Variants in ZNF600 observed in about 807,000 individuals in gnomAD.
The protein encoded by ZNF600 is zinc finger protein KR-ZNF1.
ZNF600 carries 4 observed loss-of-function variants against 7.3 expected under a neutral mutation model. That is an observed-to-expected ratio of 0.55 (90% CI 0.27 to 1.25). ZNF600 has a LOEUF of 1.25. Ranked by LOEUF, ZNF600 falls within the 50% of genes most tolerant of loss-of-function variation. ZNF600 has a pLI of 0.12. For missense variants in ZNF600, 911 were observed against 922.1 expected, an observed-to-expected ratio of 0.99 and a Z score of 0.16; for synonymous variants, 290 against 308.9, an observed-to-expected ratio of 0.94 and a Z score of 0.64.
chr19:52,769,151 C>G (rs1313075553), intron 3 of ZNF600, among the ~76,000 whole-genome samples: 1 of 152,118 alleles, frequency 6.6e-6, no homozygotes, highest in Non-Finnish European at 1.5e-5. Context: ...CGCCACTTAG[C>G]AGACCGGGAA....
At chr19:52,796,222 A>G in the ZNF600 span, among the ~76,000 whole-genome samples, 8,235 of 152,246 alleles carry the variant, frequency 0.054, 272 homozygotes, top group African/African-American at 0.085. Context: ...GTCTGGGGAC[A>G]GGGGGAATCT....
At chr19:52,815,394 G>C in the ZNF600 span, among the ~76,000 whole-genome samples, 2 of 145,324 alleles carry the variant, frequency 1.4e-5, no homozygotes, top group East Asian at 4.0e-4. Flanking sequence ...GCAAGCACCT[G>C]TAGTCCCAGC....
At chr19:52,827,614 T>G in the ZNF600 span, among the ~76,000 whole-genome samples, 1 of 151,774 alleles carries the variant, frequency 6.6e-6, no homozygotes, top group East Asian at 1.9e-4. Flanking sequence ...TTGCGGTGTC[T>G]GCTCACTGCA....
At chr19:52,817,220 A>AAATT in the ZNF600 span, among the ~76,000 whole-genome samples, 1 of 152,068 alleles carries the variant, frequency 6.6e-6, no homozygotes, top group East Asian at 1.9e-4. Context: ...TAAAAATACA[A>AAATT]AATTAGCTGA....
chr19:52,807,804 C>T, the ZNF600 span: 1 of 930,434 alleles, frequency 1.1e-6, no homozygotes, highest in Non-Finnish European at 1.5e-6. Flanking sequence ...TACTTTACTT[C>T]TGGAAGCTCC....
chr19:52,804,763 T>TG, the ZNF600 span, among the ~76,000 whole-genome samples: 1 of 152,166 alleles, frequency 6.6e-6, no homozygotes, highest in Non-Finnish European at 1.5e-5. Flanking sequence ...CCTTGGTCTC[T>TG]GAAAGTGCTG....
chr19:52,828,600 A>G, the ZNF600 span, among the ~76,000 whole-genome samples: 1 of 152,190 alleles, frequency 6.6e-6, no homozygotes, highest in South Asian at 2.1e-4. Flanking sequence ...TTCACCATGC[A>G]TAAGATATAA....
chr19:52,792,317 A>T, the ZNF600 span, among the ~76,000 whole-genome samples: 1 of 152,192 alleles, frequency 6.6e-6, no homozygotes, highest in East Asian at 1.9e-4. Flanking sequence ...AAAAAGGAAA[A>T]GTCAAGCTGG....
At chr19:52,822,034 C>G in the ZNF600 span, among the ~76,000 whole-genome samples, 3 of 146,486 alleles carry the variant, frequency 2.0e-5, no homozygotes, top group Admixed American at 2.0e-4. Context: ...AGATCTATTA[C>G]TTTCTCCTTT....
the ZNF600 span, among the ~76,000 whole-genome samples, chr19:52,812,762 TAAAAAAAAAAAAA>T: frequency 1.3e-5 from 1 of 75,400 alleles, no homozygotes. Context: ...GAATGATCAA[TAAAAAAAAAAAAA>T]AAAAAAAAAA....
chr19:52,825,997 A>C, the ZNF600 span, among the ~76,000 whole-genome samples: 13 of 152,250 alleles, frequency 8.5e-5, no homozygotes, highest in Admixed American at 7.8e-4. Context: ...AATTTTATCT[A>C]AAATCTCATA....
At chr19:52,780,601 G>A (rs1199382581) in intron 1 of ZNF600, 4 of 152,034 alleles carry the variant, frequency 2.6e-5, no homozygotes, top group African/African-American at 7.3e-5. Flanking sequence ...TTTGAAAGTC[G>A]ACTGTGATCC....
intron 3 of ZNF600, among the ~76,000 whole-genome samples, chr19:52,772,208 T>C (rs370916165): frequency 8.7e-4 from 133 of 152,162 alleles, no homozygotes; most frequent in African/African-American, 3.0e-3. Context: ...CTTGGGACCC[T>C]GAGGCTGGAC....
At chr19:52,824,345 C>T in the ZNF600 span, among the ~76,000 whole-genome samples, 1 of 152,052 alleles carries the variant, frequency 6.6e-6, no homozygotes, top group Admixed American at 6.6e-5. Context: ...TGATTTAAAG[C>T]TATCCATGAC....
At chr19:52,809,786 CAG>C in the ZNF600 span, 1 of 502,678 alleles carries the variant, frequency 2.0e-6, no homozygotes, top group Non-Finnish European at 3.5e-6. Context: ...GCCTGGGTGA[CAG>C]AGCGAAAAAA....
chr19:52,764,503 T>A (rs1600365260), downstream of ZNF600: 1 of 150,238 alleles, frequency 6.7e-6, no homozygotes, highest in East Asian at 2.0e-4. Flanking sequence ...TGAGCCACCA[T>A]CCAGCTTTGA....
At chr19:52,833,359 A>G in the ZNF600 span, among the ~76,000 whole-genome samples, 192 of 152,228 alleles carry the variant, frequency 1.3e-3, no homozygotes, top group Non-Finnish European at 1.9e-3. Flanking sequence ...CCTCTTCTCA[A>G]GTTCATGTCA....
At chr19:52,789,656 A>G (rs2062786487), upstream of ZNF600, among the ~76,000 whole-genome samples, 1 of 152,078 alleles carries the variant, frequency 6.6e-6, no homozygotes, top group Non-Finnish European at 1.5e-5. Flanking sequence ...GGAGGCCAAC[A>G]TGGGAGGATC....
intron 1 of ZNF600, among the ~76,000 whole-genome samples, 155 bp downstream of exon 1, chr19:52,786,440 T>C (rs2062764296): frequency 6.6e-6 from 1 of 152,012 alleles, no homozygotes; most frequent in South Asian, 2.1e-4. Context: ...GTGAGGACTT[T>C]AAAAAGCACG....
Sources: gnomAD v4.1 joint callset for allele counts (sites outside exome capture counted in the v4.1 genomes callset) on GRCh38, gnomAD v4.1.1 for gene constraint, MANE v1.5 for transcripts, NCBI Gene and HGNC (gene_info 2026-07-23, HGNC 2026-07-21) for gene names.